The following TBL1X variants were observed in gnomAD, a reference collection of about 807,000 sequenced individuals.
TBL1X encodes the protein transducin beta like 1 X-linked.
In TBL1X, 10 loss-of-function variants were observed where a neutral mutation model predicts 50.7. That is an observed-to-expected ratio of 0.20 (90% confidence interval 0.12 to 0.33). TBL1X has a LOEUF of 0.33. Ranked by LOEUF, TBL1X falls within the 10% of genes least tolerant of loss-of-function variation. TBL1X has a pLI of 1.00. For synonymous variants in TBL1X, 190 were observed against 214.7 expected, an observed-to-expected ratio of 0.88 and a Z score of 1.01; for missense variants, 340 against 504.4, an observed-to-expected ratio of 0.67 and a Z score of 3.12.
rs1487920355 is a variant in TBL1X at position 9,693,231 on chromosome X, G to A, written c.955+19G>A. The stretch of plus-strand genomic sequence containing the variant: ...GAAGATGGTGAGTTCTGTGTCCCTC[G>A]TGCTGGGGTCGGGTAAGAGGAGCTG... On this transcript the variant is annotated intron_variant, in intron 10 of 17. Transcript: ENST00000645353. The A allele has an allele frequency of 2.2e-5, 26 of 1,209,191 alleles. No homozygotes were observed. The highest frequency in any genetic ancestry group is 5.3e-5 in the African/African-American group (3 of 56,952).
chrX:9,488,814 G>A (rs1175449977), intron 1 of TBL1X, among the ~76,000 whole-genome samples: 1 of 111,050 alleles, frequency 9.0e-6, no homozygotes, highest in Non-Finnish European at 1.9e-5. Flanking sequence ...TGAGCCATTT[G>A]GTTTGTATTG....
intron 1 of TBL1X, among the ~76,000 whole-genome samples, chrX:9,491,338 A>ATATAT (rs1328551249): frequency 1.9e-3 from 59 of 31,289 alleles, no homozygotes; most frequent in Non-Finnish European, 1.7e-3. Flanking sequence ...ATATATATAT[A>ATATAT]TTTTTTTTTT....
At chrX:9,612,716 T>C (rs995604601) in intron 2 of TBL1X, among the ~76,000 whole-genome samples, 3 of 111,302 alleles carry the variant, frequency 2.7e-5, no homozygotes, top group African/African-American at 9.8e-5. Context: ...TCTGAAATTA[T>C]GAAAATCAAG....
intron 14 of TBL1X, 53 bp from the exon 15 acceptor site, chrX:9,709,580 T>A: frequency 8.4e-7 from 1 of 1,196,331 alleles, no homozygotes; most frequent in Non-Finnish European, 1.1e-6. Context: ...TTCCACATCG[T>A]TCCCGGATGC....
chrX:9,506,892 A>C (rs187170423), intron 2 of TBL1X, among the ~76,000 whole-genome samples: 1 of 112,027 alleles, frequency 8.9e-6, no homozygotes, highest in African/African-American at 3.2e-5. Context: ...AAATTATTCC[A>C]AACATTTGAA....
chrX:9,472,696 G>A (rs1432491241), intron 1 of TBL1X, among the ~76,000 whole-genome samples: 2 of 110,278 alleles, frequency 1.8e-5, no homozygotes, highest in Admixed American at 1.9e-4. Context: ...GGCAGATCAC[G>A]AGGTCAGGAG....
chrX:9,591,728 C>T (rs192686547), intron 2 of TBL1X, among the ~76,000 whole-genome samples: 1 of 111,409 alleles, frequency 9.0e-6, no homozygotes, highest in Non-Finnish European at 1.9e-5. Flanking sequence ...ACACCTGAGC[C>T]AAGTGACACA....
rs187643455 is a variant in TBL1X at position 9,511,318 on chromosome X, C to T, written c.-131+9469C>T. On this transcript the variant is annotated intron_variant, in intron 2 of 17. Transcript: ENST00000645353. ...TGCAGGAGATTTAATCTCTCTAATC[C>T]AGAATGTGTTTTAGGGAATGGCTTG... Among the ~76,000 whole-genome samples, 312 of 112,155 alleles carry T rather than the reference C, an allele frequency of 2.8e-3. 6 individuals carry two copies. Among genetic ancestry groups the T allele is most frequent in the Admixed American group, 0.024 (254 of 10,574 alleles).
intron 1 of TBL1X, among the ~76,000 whole-genome samples, chrX:9,489,299 T>C (rs1234489340): frequency 1.8e-5 from 2 of 111,191 alleles, no homozygotes; most frequent in African/African-American, 6.5e-5. Flanking sequence ...GGTTTGTGGC[T>C]TCACAGAATG....
At position 9,709,815 on chromosome X, in the gene TBL1X, A is replaced by G. The variant is rs143042965; in HGVS notation, c.1439+55A>G. 1,995 of 1,183,981 alleles carry G rather than the reference A, an allele frequency of 1.7e-3. 20 individuals carry two copies. The African/African-American group carries it at 0.031, about 18-fold the overall frequency. On this transcript the variant is annotated intron_variant, in intron 15 of 17. Coordinates refer to ENST00000645353, the MANE Select transcript of TBL1X (RefSeq NM_005647.4). ...TCGGTGTTACACAAAGACAACAGGA[A>G]ATTCTGCTAAAGCGCGTCCATGCAC...
chrX:9,632,421 C>T (rs1004958836), intron 2 of TBL1X, among the ~76,000 whole-genome samples: 7 of 111,167 alleles, frequency 6.3e-5, no homozygotes, highest in Non-Finnish European at 1.3e-4. Flanking sequence ...GCTGGGACTG[C>T]GGGCGCATGC....
At chrX:9,699,076 G>A (rs907744950) in intron 12 of TBL1X, among the ~76,000 whole-genome samples, 2 of 111,718 alleles carry the variant, frequency 1.8e-5, no homozygotes, top group African/African-American at 6.5e-5. Flanking sequence ...CGCCTCCCAT[G>A]CTCAAGCGAT....
At chrX:9,547,446 A>C (rs1185312361) in intron 2 of TBL1X, among the ~76,000 whole-genome samples, 1 of 110,913 alleles carries the variant, frequency 9.0e-6, no homozygotes, top group African/African-American at 3.3e-5. Flanking sequence ...CAGCCTCCCA[A>C]GTAGCTGGGA....
At chrX:9,572,070 A>T (rs775716362) in intron 2 of TBL1X, among the ~76,000 whole-genome samples, 67 of 112,041 alleles carry the variant, frequency 6.0e-4, no homozygotes, top group African/African-American at 2.0e-3. Flanking sequence ...TTAGATGCAG[A>T]CAGTGATTCC....
chrX:9,602,862 A>G (rs1274728380), intron 2 of TBL1X, among the ~76,000 whole-genome samples: 2 of 112,894 alleles, frequency 1.8e-5, no homozygotes, highest in Non-Finnish European at 3.7e-5. Flanking sequence ...TATAATAGCA[A>G]TAGAATCTAG....
intron 2 of TBL1X, among the ~76,000 whole-genome samples, chrX:9,542,718 C>T (rs1430879616): frequency 1.8e-5 from 2 of 112,012 alleles, no homozygotes; most frequent in African/African-American, 6.5e-5. Flanking sequence ...GTAGGGCTAG[C>T]AAGAGGTGGT....
intron 2 of TBL1X, among the ~76,000 whole-genome samples, chrX:9,603,642 G>C (rs994051124): frequency 8.9e-6 from 1 of 111,796 alleles, no homozygotes; most frequent in African/African-American, 3.3e-5. Flanking sequence ...AGTTCCCTTG[G>C]AAGAGAAGGG....
At position 9,465,222 on chromosome X, in the gene TBL1X, C is replaced by G. The variant is rs1307234404; in HGVS notation, c.-426C>G. 2 of 108,027 alleles carry G rather than the reference C, an allele frequency of 1.9e-5. No individual in the cohort carries two copies. The highest frequency in any genetic ancestry group is 3.9e-5 in the Non-Finnish European group (2 of 51,388). 8.9% of individuals were successfully genotyped at this position (108,027 alleles called of 1,213,427 possible). A position where few individuals can be genotyped will look rare whatever the true frequency, so the allele number is the denominator to read the frequency against. ...CGCCCCCGCCCCGCCGCCGCCGCAG[C>G]GCCCTCAGGCCGCCATTCGCCACCG... is the stretch of plus-strand genomic sequence containing the variant. On this transcript the variant is annotated 5_prime_UTR_variant, in exon 1 of 18. Coordinates refer to ENST00000645353, the MANE Select transcript of TBL1X (RefSeq NM_005647.4).
At chrX:9,621,191 T>G (rs2283691) in intron 2 of TBL1X, among the ~76,000 whole-genome samples, 47,672 of 109,967 alleles carry the variant, frequency 0.43, 8,709 homozygotes, top group East Asian at 0.7. Flanking sequence ...GCTATGGAGG[T>G]TGGGGGCTGG....
Sources: gnomAD v4.1 joint callset for allele counts (sites outside exome capture counted in the v4.1 genomes callset) on GRCh38, gnomAD v4.1.1 for gene constraint, MANE v1.5 for transcripts, NCBI Gene and HGNC (gene_info 2026-07-23, HGNC 2026-07-21) for gene names.